Variants in MBD5 observed in about 807,000 individuals in gnomAD.
MBD5 encodes the protein methyl-CpG-binding domain protein 5.
MBD5 carries 13 observed loss-of-function variants against 117.3 expected under a neutral mutation model. The observed-to-expected ratio is 0.11, with a 90% CI of 0.07 to 0.18. MBD5 has a LOEUF of 0.18. MBD5 is among the 10% of genes least tolerant of loss of function. The probability of loss-of-function intolerance (pLI) is 1.00; values close to 1 mark genes in which losing one functional copy is unlikely to be tolerated. For missense variants in MBD5, 1,879 were observed against 2,093.8 expected (o/e 0.90, Z 2.00); for synonymous variants, 727 against 766.4 (o/e 0.95, Z 0.85).
intron 8 of MBD5, among the ~76,000 whole-genome samples, chr2:148,475,762 G>C (rs577433519): frequency 2.0e-5 from 3 of 152,102 alleles, no homozygotes; most frequent in Non-Finnish European, 2.9e-5. Flanking sequence ...ATTCTATGGA[G>C]TAATGTTAAT....
Position 148,468,964 on chromosome 2 carries a change from C to T in MBD5, c.1021C>T (p.Pro341Ser). 6.2e-7 allele frequency: 1 copy of T among 1,613,800 alleles called. No individual in the cohort carries two copies. The highest frequency in any genetic ancestry group is 1.1e-5 in the South Asian group (1 of 91,082). The change falls in exon 8 of 14, where the codon CCA becomes TCA. Residue 341 changes from proline to serine, a missense_variant. Coordinates refer to ENST00000642680, the MANE Select transcript of MBD5 (RefSeq NM_001378120.1). Reference sequence around the variant, plus strand: ...ACCCCAAGGCCCACCTCCCCCTCCTCCACCTTCTTGTGCTCTTCAGAAAAA... The same window carrying T: ...ACCCCAAGGCCCACCTCCCCCTCCTTCACCTTCTTGTGCTCTTCAGAAAAA... ...KPPQGPPPPP[P>S]PSCALQKKPL...
chr2:148,378,921 T>G (rs1574354065), intron 4 of MBD5, among the ~76,000 whole-genome samples: 1 of 151,946 alleles, frequency 6.6e-6, no homozygotes, highest in African/African-American at 2.4e-5. Flanking sequence ...TAGATACAGG[T>G]GAAGAGACAA....
chr2:148,145,956 G>C (rs561594027), intron 1 of MBD5, among the ~76,000 whole-genome samples: 1 of 152,170 alleles, frequency 6.6e-6, no homozygotes, highest in South Asian at 2.1e-4. Context: ...GGATGATGTT[G>C]GCCTCATAAA....
rs980210234 is a variant in MBD5, at chr2:148,042,824, A to T, written c.-925+21140A>T. On this transcript the variant is annotated intron_variant, in intron 1 of 13. Coordinates refer to ENST00000642680, the MANE Select transcript of MBD5 (RefSeq NM_001378120.1). Reference sequence around the variant, plus strand: ...GGACCTAACCAGTGTTGCTGAAAGAAATTTTACAAATAAAGGGATCGATCT... The same window carrying T: ...GGACCTAACCAGTGTTGCTGAAAGATATTTTACAAATAAAGGGATCGATCT... 2.0e-5 allele frequency among the ~76,000 whole-genome samples: 3 copies of T among 152,182 alleles called. No individual in the cohort carries two copies. In the East Asian group the frequency reaches 5.8e-4, roughly 29 times the overall value.
At chr2:148,099,729 A>G (rs1393541487) in intron 1 of MBD5, among the ~76,000 whole-genome samples, 1 of 152,200 alleles carries the variant, frequency 6.6e-6, no homozygotes, top group Non-Finnish European at 1.5e-5. Flanking sequence ...TTAATTAGGA[A>G]GGACTCATTT....
At chr2:148,394,804 A>G (rs1287404955) in intron 4 of MBD5, among the ~76,000 whole-genome samples, 2 of 151,982 alleles carry the variant, frequency 1.3e-5, no homozygotes, top group Non-Finnish European at 1.5e-5. Context: ...TTAGATGCTT[A>G]ACTCATTTAA....
chr2:148,464,042 G>T (rs1707180665), intron 7 of MBD5, 123 bp downstream of exon 7: 2 of 964,698 alleles, frequency 2.1e-6, no homozygotes, highest in Non-Finnish European at 1.5e-6. Flanking sequence ...TTAAAATTCT[G>T]TATGTCCTGT....
chr2:148,096,245 G>A (rs1213514476), intron 1 of MBD5, among the ~76,000 whole-genome samples: 1 of 152,090 alleles, frequency 6.6e-6, no homozygotes, highest in African/African-American at 2.4e-5. Flanking sequence ...TTCTCAACTG[G>A]GAGTGATTTT....
At chr2:148,420,124 T>C (rs1031124510) in intron 4 of MBD5, among the ~76,000 whole-genome samples, 15 of 152,194 alleles carry the variant, frequency 9.9e-5, no homozygotes, top group South Asian at 6.2e-4. Flanking sequence ...TTCCCCTTTA[T>C]ATGAGCATTT....
chr2:148,047,913 T>C (rs1257988817), intron 1 of MBD5, among the ~76,000 whole-genome samples: 4 of 152,206 alleles, frequency 2.6e-5, no homozygotes, highest in Admixed American at 2.6e-4. Context: ...GAAACCATTG[T>C]TTGTGAGATC....
At chr2:148,491,814 G>A (rs557836989) in intron 11 of MBD5, among the ~76,000 whole-genome samples, 1 of 152,088 alleles carries the variant, frequency 6.6e-6, no homozygotes, top group African/African-American at 2.4e-5. Context: ...ATTTTTGACA[G>A]TTTATTCAAG....
chr2:148,412,271 T>TC (rs1359859294), intron 4 of MBD5, among the ~76,000 whole-genome samples: 1 of 121,362 alleles, frequency 8.2e-6, no homozygotes, highest in South Asian at 2.6e-4. Flanking sequence ...TAGTATACTT[T>TC]TTGTGTGTGT....
At chr2:148,131,296 G>A (rs940642559) in intron 1 of MBD5, among the ~76,000 whole-genome samples, 2 of 152,164 alleles carry the variant, frequency 1.3e-5, no homozygotes, top group Non-Finnish European at 2.9e-5. Flanking sequence ...TAGATACGCT[G>A]TATGACATGT....
chr2:148,050,812 T>C (rs1573955233), intron 1 of MBD5, among the ~76,000 whole-genome samples: 1 of 152,142 alleles, frequency 6.6e-6, no homozygotes, highest in East Asian at 1.9e-4. Context: ...TGTAGCTTTG[T>C]GTAGTAAGTT....
intron 11 of MBD5, among the ~76,000 whole-genome samples, chr2:148,498,038 C>G (rs781724432): frequency 6.6e-6 from 1 of 152,146 alleles, no homozygotes; most frequent in Non-Finnish European, 1.5e-5. Context: ...TAAGCCAGGT[C>G]GCAACCCTGG....
chr2:148,369,212 C>T (rs1202273980), intron 4 of MBD5, among the ~76,000 whole-genome samples: 1 of 147,084 alleles, frequency 6.8e-6, no homozygotes, highest in Admixed American at 6.8e-5. Flanking sequence ...TTCCATTTTT[C>T]AAAAAACTTA....
At chr2:148,156,817 A>G (rs1697887936) in intron 1 of MBD5, among the ~76,000 whole-genome samples, 1 of 152,212 alleles carries the variant, frequency 6.6e-6, no homozygotes. Context: ...TTAAATCACA[A>G]GACTGTGATA....
intron 4 of MBD5, among the ~76,000 whole-genome samples, chr2:148,355,045 T>A (rs753496234): frequency 2.0e-5 from 3 of 152,192 alleles, no homozygotes; most frequent in Non-Finnish European, 4.4e-5. Flanking sequence ...TTTTTTCATA[T>A]GTTTGTTGGC....
chr2:148,399,770 G>A (rs1403983816), intron 4 of MBD5, among the ~76,000 whole-genome samples: 1 of 152,130 alleles, frequency 6.6e-6, no homozygotes. Flanking sequence ...TGCCCATTCA[G>A]TATGATATTG....
Sources: gnomAD v4.1 joint callset for allele counts (sites outside exome capture counted in the v4.1 genomes callset) on GRCh38, gnomAD v4.1.1 for gene constraint, MANE v1.5 for transcripts, NCBI Gene and HGNC (gene_info 2026-07-23, HGNC 2026-07-21) for gene names.